KLF15: variants seen among roughly 807,000 people sequenced by gnomAD.
KLF15 encodes the protein KLF transcription factor 15.
Under a neutral mutation model 24.6 loss-of-function variants are expected in KLF15, and 4 were observed. The ratio of observed to expected loss-of-function variants is 0.16; its 90% CI spans 0.08 to 0.37. The LOEUF (loss-of-function observed/expected upper bound fraction) is 0.37, where lower values mean the gene tolerates loss of function less well. Among genes scored for constraint, KLF15 ranks in the 10% least tolerant of loss-of-function variants. The pLI is 1.00. For missense variants in KLF15, 496 were observed against 560.6 expected (o/e 0.88, Z 1.16); for synonymous variants, 246 against 236.3 (o/e 1.04, Z -0.37).
At chr3:126,323,176 A>G in the KLF15 span, among the ~76,000 whole-genome samples, 12 of 150,652 alleles carry the variant, frequency 8.0e-5, no homozygotes, top group Non-Finnish European at 1.6e-4. Context: ...CCCTTTTCCC[A>G]GAAAGACTTA....
At position 126,343,180 on chromosome 3, in the gene KLF15, G is replaced by T. The variant is rs186319288; in HGVS notation, c.*547C>A. ...CCCCCCCCCCCCCCCCCCCCCCCCC[G>T]GCTCCAGGGACCTGCCCACACCCTC... On this transcript the variant is annotated 3_prime_UTR_variant, in exon 3 of 3. Coordinates refer to ENST00000296233, the MANE Select transcript of KLF15 (RefSeq NM_014079.4). The T allele has an allele frequency of 6.4e-5, 1 of 15,716 alleles. No individual in the cohort carries two copies. Among genetic ancestry groups the T allele is most frequent in the African/African-American group, 3.4e-4 (1 of 2,928 alleles). The allele number at this position is 15,716 out of a possible 1,614,324, so 1.0% of individuals were successfully genotyped here. A position where few individuals can be genotyped will look rare whatever the true frequency, so the allele number is the denominator to read the frequency against.
the KLF15 span, among the ~76,000 whole-genome samples, chr3:126,319,058 G>A: frequency 2.0e-5 from 3 of 152,178 alleles, no homozygotes; most frequent in African/African-American, 4.8e-5. Flanking sequence ...CATCCAGTAT[G>A]TAGCCTTTTC....
Position 126,343,520 on chromosome 3 carries a change from C to A in KLF15, c.*207G>T. On this transcript the variant is annotated 3_prime_UTR_variant, in exon 3 of 3. Coordinates refer to ENST00000296233, the MANE Select transcript of KLF15 (RefSeq NM_014079.4). ...CCTCCAGCCCCGTGCGCCTGGGGCC[C>A]AGCCCCCAGGGACGCGGGTTCGAGG... 1.8e-6 allele frequency: 1 copy of A among 540,978 alleles called. No homozygotes were observed. Among genetic ancestry groups the A allele is most frequent in the Non-Finnish European group, 3.2e-6 (1 of 314,304 alleles). The allele number at this position is 540,978 out of a possible 1,614,324, so 33.5% of individuals were successfully genotyped here.
rs553303917 is a variant in KLF15 at position 126,342,721 on chromosome 3, C to T, written c.*1006G>A. ...TATACGTAATTGTAACATATGTACA[C>T]CAGCTTCATAGATTTTTTTAAATTT... On this transcript the variant is annotated 3_prime_UTR_variant, in exon 3 of 3. Transcript: ENST00000296233. The T allele has an allele frequency of 2.0e-5, 3 of 152,560 alleles. No individual in the cohort carries two copies. Among genetic ancestry groups the T allele is most frequent in the Middle Eastern group, 3.4e-3 (1 of 294 alleles). The allele number at this position is 152,560 out of a possible 1,614,324, so 9.5% of individuals were successfully genotyped here. A position where few individuals can be genotyped will look rare whatever the true frequency, so the allele number is the denominator to read the frequency against.
At chr3:126,328,671 A>G in the KLF15 span, among the ~76,000 whole-genome samples, 1 of 152,224 alleles carries the variant, frequency 6.6e-6, no homozygotes, top group Non-Finnish European at 1.5e-5. Flanking sequence ...CTCCAAAAAA[A>G]AATTGTACTA....
downstream of KLF15, among the ~76,000 whole-genome samples, chr3:126,338,799 C>T (rs1280829439): frequency 6.6e-5 from 10 of 152,248 alleles, no homozygotes; most frequent in African/African-American, 9.6e-5. Flanking sequence ...CTTCCCTGGC[C>T]TCCCTCAGCT....
chr3:126,338,829 G>A (rs1023790643), downstream of KLF15, among the ~76,000 whole-genome samples: 2 of 152,190 alleles, frequency 1.3e-5, no homozygotes, highest in Non-Finnish European at 2.9e-5. Context: ...GTAGCCTTGC[G>A]CCTCACTCTC....
chr3:126,307,954 G>T, the KLF15 span, among the ~76,000 whole-genome samples: 1 of 152,104 alleles, frequency 6.6e-6, no homozygotes, highest in Non-Finnish European at 1.5e-5. Context: ...TGGGGGTTTG[G>T]CTGTGCCCGC....
chr3:126,300,717 G>A, the KLF15 span, among the ~76,000 whole-genome samples: 1 of 152,224 alleles, frequency 6.6e-6, no homozygotes, highest in African/African-American at 2.4e-5. Context: ...CACAGACCCT[G>A]AGCAGCGGCA....
At chr3:126,299,283 C>A in the KLF15 span, among the ~76,000 whole-genome samples, 2 of 152,018 alleles carry the variant, frequency 1.3e-5, no homozygotes, top group Non-Finnish European at 2.9e-5. Flanking sequence ...GAATTGAGTT[C>A]TTGATTTGAT....
downstream of KLF15, among the ~76,000 whole-genome samples, chr3:126,338,056 C>G (rs1306968264): frequency 6.6e-6 from 1 of 152,206 alleles, no homozygotes. Context: ...GAGAGATTGG[C>G]AAAGAGACTC....
intron 2 of KLF15, among the ~76,000 whole-genome samples, chr3:126,349,931 C>G (rs2082569055): frequency 6.6e-6 from 1 of 152,202 alleles, no homozygotes; most frequent in Non-Finnish European, 1.5e-5. Flanking sequence ...TCCTCAGAAA[C>G]TGCCGTGTAT....
downstream of KLF15, among the ~76,000 whole-genome samples, chr3:126,339,367 G>A (rs1029950313): frequency 2.6e-5 from 4 of 152,130 alleles, no homozygotes; most frequent in Admixed American, 2.6e-4. Context: ...TTTTTACCTG[G>A]TCCTGGTGCC....
chr3:126,313,548 C>T, the KLF15 span, among the ~76,000 whole-genome samples: 1 of 152,210 alleles, frequency 6.6e-6, no homozygotes, highest in African/African-American at 2.4e-5. Flanking sequence ...CCTAGTGTTT[C>T]TGGGCCCTGG....
chr3:126,320,042 C>A, the KLF15 span, among the ~76,000 whole-genome samples: 4 of 152,110 alleles, frequency 2.6e-5, no homozygotes, highest in South Asian at 4.2e-4. Context: ...TCAGTGTAGA[C>A]CAGGCTTAAG....
chr3:126,352,120 G>T lies in KLF15; in HGVS notation c.803C>A (p.Pro268His). 6.4e-7 allele frequency: 1 copy of T among 1,557,912 alleles called. No homozygotes were observed. Among genetic ancestry groups the T allele is most frequent in the East Asian group, 2.4e-5 (1 of 42,338 alleles). Residue 268 changes from proline (P) to histidine (H), a missense_variant, in exon 2 of 3, where the codon CCC (proline) becomes CAC (histidine). Coordinates refer to ENST00000296233, the MANE Select transcript of KLF15 (RefSeq NM_014079.4). ...GGAGGGCAGGTTCAAGTTGGAGGAG[G>T]GTACCACCTGGGGCACGAGTGCGAA... ...QTFALVPQVV[P>H]SSNLNLPSKF... is the part of the protein sequence containing the mutation.
the KLF15 span, chr3:126,290,872 G>A: frequency 1.4e-3 from 219 of 152,272 alleles, no homozygotes; most frequent in African/African-American, 5.0e-3. Context: ...TTTCATATAA[G>A]CCTTGTCAAA....
At chr3:126,290,498 T>C in the KLF15 span, among the ~76,000 whole-genome samples, 1 of 113,744 alleles carries the variant, frequency 8.8e-6, no homozygotes, top group Admixed American at 9.5e-5. Context: ...CTTCCTTTCT[T>C]CCTTCCTACC....
In KLF15 at chr3:126,352,230, T is replaced by G; in HGVS notation, c.693A>C (p.Glu231Asp). Residue 231 changes from glutamate (E) to aspartate (D), a missense_variant, in exon 2 of 3, where the codon GAA becomes GAC. Around this residue, in one of 3 missense-constraint regions of KLF15, gnomAD observed 399 missense variants for 423.1 expected, o/e 0.94. Coordinates refer to ENST00000296233, the MANE Select transcript of KLF15 (RefSeq NM_014079.4). Reference protein sequence around the residue: ...LQIQPVPVKQESGTGPASPGQ... With the variant: ...LQIQPVPVKQDSGTGPASPGQ... ...CAGGGGAGGCAGGCCCTGTGCCCGA[T>G]TCCTGCTTCACAGGCACGGGCTGGA... 6.5e-7 allele frequency: 1 copy of G among 1,537,418 alleles called. No individual in the cohort carries two copies. The highest frequency in any genetic ancestry group is 8.7e-7 in the Non-Finnish European group (1 of 1,144,866).
Sources: allele counts gnomAD v4.1 joint callset (sites outside exome capture counted in the v4.1 genomes callset), GRCh38; gene constraint gnomAD v4.1.1; regional missense constraint gnomAD v4.1.1; transcripts MANE v1.5; gene names NCBI Gene and HGNC (gene_info 2026-07-23, HGNC 2026-07-21).